The following PTPRA variants were observed in gnomAD, a reference collection of about 807,000 sequenced individuals.
PTPRA encodes receptor-type tyrosine-protein phosphatase alpha.
PTPRA carries 25 observed loss-of-function variants against 104.8 expected under a neutral mutation model. The observed-to-expected ratio is 0.24, with a 90% CI of 0.17 to 0.33. The LOEUF is 0.33. Ranked by LOEUF, PTPRA falls within the 10% of genes least tolerant of loss-of-function variation. PTPRA has a pLI of 1.00. For synonymous variants in PTPRA, 323 were observed against 368.9 expected, an observed-to-expected ratio of 0.88 and a Z score of 1.43; for missense variants, 765 against 1,015.3, an observed-to-expected ratio of 0.75 and a Z score of 3.35.
At chr20:2,947,532 C>T (rs1057022624) in intron 2 of PTPRA, among the ~76,000 whole-genome samples, 1 of 152,200 alleles carries the variant, frequency 6.6e-6, no homozygotes, top group Non-Finnish European at 1.5e-5. Context: ...GCTCTACATT[C>T]ACCCTGCTCA....
intron 1 of PTPRA, among the ~76,000 whole-genome samples, chr20:2,916,959 C>CTTTT (rs35317223): frequency 2.3e-5 from 3 of 131,544 alleles, no homozygotes; most frequent in Non-Finnish European, 3.2e-5. Flanking sequence ...TTTTTTATTT[C>CTTTT]TTTTTTTTTT....
rs868575678 is a variant in PTPRA at position 2,910,021 on chromosome 20, C to A, written c.-128-13186C>A. Reference sequence around the variant, plus strand: ...TAATCTATCATATATCATATATAATCTATCATATATCATATCATATATAAT... The same window carrying A: ...TAATCTATCATATATCATATATAATATATCATATATCATATCATATATAAT... On this transcript the variant is annotated intron_variant, in intron 1 of 23. Coordinates refer to ENST00000399903, the MANE Select transcript of PTPRA (RefSeq NM_001385305.1). Among the ~76,000 whole-genome samples the A allele has an allele frequency of 1.1e-3, 82 of 76,368 alleles. 2 individuals are homozygous for A. The highest frequency in any genetic ancestry group is 9.1e-3 in the African/African-American group (76 of 8,332). 50.1% of individuals were successfully genotyped at this position (76,368 alleles called of 152,430 possible).
rs539024353 is a variant in PTPRA at position 3,008,417 on chromosome 20, A to G, written c.906+997A>G. On this transcript the variant is annotated intron_variant, in intron 11 of 23. Coordinates refer to ENST00000399903, the MANE Select transcript of PTPRA (RefSeq NM_001385305.1). ...TACATATAGAATATAAACTATATAT[A>G]CATATGTAGAGTAGTCAAATTCACA... 6.6e-5 allele frequency among the ~76,000 whole-genome samples: 10 copies of G among 152,338 alleles called. No homozygotes were observed. In the East Asian group the frequency reaches 1.5e-3, roughly 24 times the overall value.
At chr20:2,891,664 T>G (rs1365506893) in intron 1 of PTPRA, among the ~76,000 whole-genome samples, 1 of 151,896 alleles carries the variant, frequency 6.6e-6, no homozygotes, top group Non-Finnish European at 1.5e-5. Context: ...GATTAAACAT[T>G]TATAGTCTCA....
intron 9 of PTPRA, among the ~76,000 whole-genome samples, chr20:2,990,346 C>G (rs2063116066): frequency 6.6e-6 from 1 of 152,150 alleles, no homozygotes; most frequent in Non-Finnish European, 1.5e-5. Flanking sequence ...CTTCTCTTGT[C>G]ACATGCTCCT....
At chr20:2,962,941 A>G (rs2061809743) in intron 3 of PTPRA, among the ~76,000 whole-genome samples, 1 of 152,074 alleles carries the variant, frequency 6.6e-6, no homozygotes, top group Non-Finnish European at 1.5e-5. Flanking sequence ...GAGAGTCACT[A>G]CCACATTGAA....
chr20:2,993,598 A>G (rs1476072576), intron 9 of PTPRA, among the ~76,000 whole-genome samples: 1 of 152,222 alleles, frequency 6.6e-6, no homozygotes, highest in Non-Finnish European at 1.5e-5. Context: ...TCTAGGTACC[A>G]GGAGTTATAT....
intron 3 of PTPRA, among the ~76,000 whole-genome samples, chr20:2,954,747 G>T (rs1039474661): frequency 3.3e-5 from 5 of 152,132 alleles, no homozygotes; most frequent in Admixed American, 2.0e-4. Context: ...TGTGCTTTTG[G>T]TGTTATATCC....
chr20:3,033,127 GC>G (rs1157856798), intron 20 of PTPRA, among the ~76,000 whole-genome samples: 1 of 151,828 alleles, frequency 6.6e-6, no homozygotes, highest in African/African-American at 2.4e-5. Context: ...CAGGATCTCA[GC>G]CAGTCCTATG....
At position 2,988,101 on chromosome 20, in the gene PTPRA, T is replaced by C. The variant is rs1330796523; in HGVS notation, c.597T>C (p.Asp199=). The C allele has an allele frequency of 3.2e-6, 5 of 1,579,166 alleles. No homozygotes were observed. Among genetic ancestry groups the C allele is most frequent in the Non-Finnish European group, 4.4e-6 (5 of 1,148,166 alleles). The change falls in exon 8 of 24, where the codon GAT becomes GAC. Residue 199 remains aspartate, a synonymous_variant. Coordinates refer to ENST00000399903, the MANE Select transcript of PTPRA (RefSeq NM_001385305.1). ...GCTTATCCAACGGCCGCACTGAGGA[T>C]GTGGGTAAGGCATTCCTTAATGTCA... ...SFRLSNGRTE[D]VEPQSVPLLA...
intron 6 of PTPRA, among the ~76,000 whole-genome samples, chr20:2,977,848 A>G (rs1400526049): frequency 6.6e-6 from 1 of 152,008 alleles, no homozygotes; most frequent in Non-Finnish European, 1.5e-5. Flanking sequence ...GAAATATGTG[A>G]ACATCAGGAA....
chr20:2,941,015 T>G (rs924798136), intron 2 of PTPRA, among the ~76,000 whole-genome samples: 1 of 152,024 alleles, frequency 6.6e-6, no homozygotes, highest in African/African-American at 2.4e-5. Flanking sequence ...TCTTCTGGTT[T>G]TTTTTTGGGG....
intron 2 of PTPRA, among the ~76,000 whole-genome samples, chr20:2,947,422 A>G (rs971949391): frequency 2.0e-5 from 3 of 152,190 alleles, no homozygotes; most frequent in East Asian, 1.9e-4. Flanking sequence ...CAACTCTTAT[A>G]TAAGGTTTGC....
the PTPRA span, chr20:2,866,672 G>T: frequency 1.3e-6 from 2 of 1,535,358 alleles, no homozygotes; most frequent in Non-Finnish European, 1.8e-6. Flanking sequence ...CTAGAGCAAT[G>T]CTGAGGAGCG....
At chr20:2,964,169 C>T in intron 3 of PTPRA, 103 bp from the exon 4 acceptor site, 2 of 934,380 alleles carry the variant, frequency 2.1e-6, no homozygotes, top group South Asian at 1.5e-5. Flanking sequence ...GGTTTAGGCA[C>T]ACATTTTAAT....
chr20:3,001,741 A>G (rs2063636904), intron 9 of PTPRA, among the ~76,000 whole-genome samples: 1 of 152,100 alleles, frequency 6.6e-6, no homozygotes, highest in Non-Finnish European at 1.5e-5. Flanking sequence ...GGTCAGGGGT[A>G]ATTGCCTCTG....
intron 1 of PTPRA, among the ~76,000 whole-genome samples, chr20:2,902,104 C>G (rs1384007482): frequency 1.3e-5 from 2 of 152,008 alleles, no homozygotes; most frequent in African/African-American, 4.8e-5. Context: ...AGGCTGGTCT[C>G]GAGCTCCTGA....
intron 6 of PTPRA, among the ~76,000 whole-genome samples, chr20:2,985,610 G>C (rs879397936): frequency 2.2e-4 from 34 of 152,152 alleles, no homozygotes; most frequent in African/African-American, 8.2e-4. Flanking sequence ...AAGGGAGCCA[G>C]GCCCTGTGGA....
chr20:2,920,860 T>C (rs1312122970), intron 1 of PTPRA, among the ~76,000 whole-genome samples: 3 of 151,944 alleles, frequency 2.0e-5, no homozygotes, highest in Non-Finnish European at 4.4e-5. Context: ...GTTAAAGCCT[T>C]GAGGCTATTT....
Sources: gnomAD v4.1 joint callset for allele counts (sites outside exome capture counted in the v4.1 genomes callset) on GRCh38, gnomAD v4.1.1 for gene constraint, MANE v1.5 for transcripts, NCBI Gene and HGNC (gene_info 2026-07-23, HGNC 2026-07-21) for gene names.